The following CHKA variants were observed in gnomAD, a reference collection of about 807,000 sequenced individuals.
The protein encoded by CHKA is CHETK-alpha.
A neutral mutation model predicts 60.1 loss-of-function variants in CHKA; 34 were observed. That is an observed-to-expected ratio of 0.57 (90% confidence interval 0.43 to 0.75). CHKA has a LOEUF of 0.75. CHKA is among the 30% of genes least tolerant of loss of function. The probability of loss-of-function intolerance (pLI) is 0.00; values close to 1 mark genes in which losing one functional copy is unlikely to be tolerated. For missense variants in CHKA, 563 were observed against 561.3 expected (o/e 1.00, Z -0.03); for synonymous variants, 217 against 223.1 (o/e 0.97, Z 0.24).
intron 8 of CHKA, among the ~76,000 whole-genome samples, 198 bp downstream of exon 8, chr11:68,066,231 T>C (rs1305158813): frequency 6.6e-6 from 1 of 152,214 alleles, no homozygotes; most frequent in East Asian, 1.9e-4. Flanking sequence ...CAACTAGCGC[T>C]GTCTGCTAGG....
chr11:68,054,071 C>T (rs1341510503), intron 11 of CHKA, 24 bp from the exon 12 acceptor site: 1 of 1,604,356 alleles, frequency 6.2e-7, no homozygotes, highest in South Asian at 1.1e-5. Flanking sequence ...AAGAGAAGGC[C>T]TCAGCAAGGA....
intron 1 of CHKA, among the ~76,000 whole-genome samples, chr11:68,119,471 G>C (rs1013222098): frequency 1.3e-5 from 2 of 152,070 alleles, no homozygotes; most frequent in Admixed American, 6.6e-5. Context: ...GACGGAACAC[G>C]TTCTTTGTTT....
At chr11:68,087,765 G>A (rs776442373) in intron 2 of CHKA, among the ~76,000 whole-genome samples, 7 of 151,986 alleles carry the variant, frequency 4.6e-5, no homozygotes, top group Non-Finnish European at 7.4e-5. Context: ...TACATAAAAC[G>A]GTAGATTGAT....
intron 2 of CHKA, among the ~76,000 whole-genome samples, chr11:68,095,708 CAAAAAAAAAAAA>C (rs55959031): frequency 3.0e-4 from 4 of 13,134 alleles, no homozygotes; most frequent in African/African-American, 3.9e-4. Context: ...GACTCCGTCG[CAAAAAAAAAAAA>C]AAAAAAAAAA....
intron 2 of CHKA, chr11:68,082,199 A>G (rs550063256): frequency 1.3e-5 from 2 of 152,140 alleles, no homozygotes; most frequent in Admixed American, 1.3e-4. Flanking sequence ...ACTACCATAA[A>G]CAACCCTTGG....
intron 3 of CHKA, among the ~76,000 whole-genome samples, chr11:68,081,163 G>A (rs879547173): frequency 2.0e-5 from 3 of 152,118 alleles, no homozygotes; most frequent in Non-Finnish European, 4.4e-5. Flanking sequence ...ATGCTGTTTC[G>A]ATTGCCATAA....
At chr11:68,117,486 C>T (rs1454564017) in intron 1 of CHKA, among the ~76,000 whole-genome samples, 5 of 152,118 alleles carry the variant, frequency 3.3e-5, no homozygotes, top group Non-Finnish European at 5.9e-5. Flanking sequence ...GTCAGGAGTT[C>T]GAGACCAGCC....
chr11:68,101,017 G>A (rs189411730), intron 1 of CHKA, among the ~76,000 whole-genome samples: 2 of 134,698 alleles, frequency 1.5e-5, no homozygotes, highest in Admixed American at 8.9e-5. Context: ...GCGCGATCTC[G>A]GCTCACTGCA....
chr11:68,114,881 G>A (rs1175295597), intron 1 of CHKA, among the ~76,000 whole-genome samples: 1 of 152,132 alleles, frequency 6.6e-6, no homozygotes, highest in African/African-American at 2.4e-5. Context: ...GGGCTTAGGA[G>A]GGAAAGAGGG....
intron 11 of CHKA, among the ~76,000 whole-genome samples, chr11:68,056,516 T>C (rs1335799429): frequency 2.0e-5 from 3 of 152,206 alleles, no homozygotes; most frequent in African/African-American, 7.2e-5. Flanking sequence ...GTTGTCCACA[T>C]TTCAATCATG....
chr11:68,090,380 G>A (rs1167835427), intron 2 of CHKA, among the ~76,000 whole-genome samples: 1 of 152,072 alleles, frequency 6.6e-6, no homozygotes, highest in African/African-American at 2.4e-5. Flanking sequence ...ACACAATGAG[G>A]AAAACAGTGG....
intron 3 of CHKA, among the ~76,000 whole-genome samples, chr11:68,081,162 C>A (rs751708493): frequency 6.6e-6 from 1 of 152,168 alleles, no homozygotes; most frequent in Non-Finnish European, 1.5e-5. Flanking sequence ...AATGCTGTTT[C>A]GATTGCCATA....
At chr11:68,110,666 A>T (rs1192596849) in intron 1 of CHKA, among the ~76,000 whole-genome samples, 1 of 152,184 alleles carries the variant, frequency 6.6e-6, no homozygotes, top group Non-Finnish European at 1.5e-5. Flanking sequence ...TGAAAACCCC[A>T]GCAAGTTATT....
intron 8 of CHKA, 45 bp from the exon 9 acceptor site, chr11:68,065,939 T>A (rs1218985904): frequency 7.3e-7 from 1 of 1,364,426 alleles, no homozygotes; most frequent in Non-Finnish European, 1.0e-6. Context: ...GCAAACCGTA[T>A]GCCTGGAGGC....
chr11:68,061,977 A>T lies in CHKA; in HGVS notation c.1290T>A (p.Ile430=). The T allele has an allele frequency of 6.3e-7, 1 of 1,597,762 alleles. No individual in the cohort carries two copies. The highest frequency in any genetic ancestry group is 8.5e-7 in the Non-Finnish European group (1 of 1,171,384). The stretch of plus-strand genomic sequence containing the variant: ...CCATGTACCCAAATTCAATAGATGA[A>T]ATCTTGGCTTGTACAATGGACCACA... ...WGLWSIVQAK[I]SSIEFGYMDY... Residue 430 remains isoleucine, a synonymous_variant, in exon 11 of 12, where the codon ATT becomes ATA. Coordinates refer to ENST00000265689, the MANE Select transcript of CHKA (RefSeq NM_001277.3).
chr11:68,060,104 G>A (rs1480757193), intron 11 of CHKA, among the ~76,000 whole-genome samples: 1 of 145,470 alleles, frequency 6.9e-6, no homozygotes, highest in East Asian at 2.0e-4. Context: ...TCGGCTCACT[G>A]CAAGCTCCGC....
intron 2 of CHKA, among the ~76,000 whole-genome samples, chr11:68,087,095 G>A (rs1452912256): frequency 2.6e-5 from 4 of 152,176 alleles, no homozygotes; most frequent in African/African-American, 7.2e-5. Flanking sequence ...ATTTTAAAAA[G>A]TGATGAATCA....
In CHKA at chr11:68,121,107, C is replaced by T; in HGVS notation, c.71G>A (p.Ser24Asn). ...SPLGLLLSCG[S>N]GSAAPAPGVG... is the part of the protein sequence containing the mutation. ...GCCGGGCGCCGGGGCCGCGCTGCCG[C>T]TACCGCAGCTCAGCAGCAGCCCGAG... Residue 24 changes from serine to asparagine, a missense_variant, in exon 1 of 12, where the codon AGC becomes AAC. By Grantham distance (46) the Ser-to-Asn change is conservative. Transcript: ENST00000265689. The T allele has an allele frequency of 8.6e-7, 1 of 1,169,542 alleles. No individual in the cohort carries two copies. The highest frequency in any genetic ancestry group is 1.1e-6 in the Non-Finnish European group (1 of 946,562). The allele number at this position is 1,169,542 out of a possible 1,614,324, so 72.4% of individuals were successfully genotyped here.
chr11:68,096,987 T>G (rs1455406670), intron 2 of CHKA, 32 bp downstream of exon 2: 1 of 1,461,130 alleles, frequency 6.8e-7, no homozygotes, highest in Non-Finnish European at 9.6e-7. Flanking sequence ...GTTAACAGGA[T>G]CCCCCCCTCC....
Sources: gnomAD v4.1 joint callset for allele counts (sites outside exome capture counted in the v4.1 genomes callset) on GRCh38, gnomAD v4.1.1 for gene constraint, MANE v1.5 for transcripts, NCBI Gene and HGNC (gene_info 2026-07-23, HGNC 2026-07-21) for gene names.